FRMD4B: variants seen among roughly 807,000 people sequenced by gnomAD.
FRMD4B encodes the protein FERM domain containing 4B, also known as FERM domain-containing protein 4B.
In FRMD4B, 74 loss-of-function variants were observed where a neutral mutation model predicts 141.5. That is an observed-to-expected ratio of 0.52 (90% CI 0.43 to 0.63). FRMD4B has a LOEUF of 0.63. FRMD4B is among the 30% of genes least tolerant of loss of function. FRMD4B has a pLI of 0.00. For missense variants in FRMD4B, 1,366 were observed against 1,253.4 expected (o/e 1.09, Z -1.36); for synonymous variants, 506 against 467.9 (o/e 1.08, Z -1.05).
At chr3:69,438,297 G>A (rs1215992178) in intron 1 of FRMD4B, among the ~76,000 whole-genome samples, 3 of 151,682 alleles carry the variant, frequency 2.0e-5, no homozygotes, top group African/African-American at 7.3e-5. Context: ...GTAGAGACAG[G>A]TTCTCGCTTT....
intron 4 of FRMD4B, among the ~76,000 whole-genome samples, chr3:69,290,158 A>G (rs1700822750): frequency 6.6e-6 from 1 of 152,208 alleles, no homozygotes; most frequent in Non-Finnish European, 1.5e-5. Context: ...CACCTGACTC[A>G]AAGGCAGCCA....
At chr3:69,217,686 A>C (rs2093155654) in intron 10 of FRMD4B, among the ~76,000 whole-genome samples, 1 of 152,136 alleles carries the variant, frequency 6.6e-6, no homozygotes, top group Non-Finnish European at 1.5e-5. Context: ...TCATTATGTA[A>C]ATTTTCTAAT....
chr3:69,193,511 A>G (rs896465801), intron 17 of FRMD4B, 137 bp downstream of exon 17: 12 of 615,606 alleles, frequency 1.9e-5, no homozygotes, highest in South Asian at 4.1e-5. Flanking sequence ...TCTGTCTCCA[A>G]ATAAAAAAGA....
chr3:69,289,567 G>A (rs564281218), intron 4 of FRMD4B, among the ~76,000 whole-genome samples: 1 of 152,114 alleles, frequency 6.6e-6, no homozygotes, highest in African/African-American at 2.4e-5. Flanking sequence ...AGGCCGAGGC[G>A]GGCAGATCAC....
chr3:69,519,903 C>T, intron 1 of FRMD4B, among the ~76,000 whole-genome samples: 1 of 150,748 alleles, frequency 6.6e-6, no homozygotes, highest in South Asian at 2.1e-4. Flanking sequence ...GTTTTCCATT[C>T]CTGAGTTACT....
intron 1 of FRMD4B, among the ~76,000 whole-genome samples, chr3:69,360,703 CT>C (rs1703447827): frequency 1.3e-5 from 2 of 152,172 alleles, no homozygotes; most frequent in Non-Finnish European, 2.9e-5. Context: ...AAATGTTCCT[CT>C]GTTTACCATG....
chr3:69,477,250 G>A (rs1167867415), intron 1 of FRMD4B, among the ~76,000 whole-genome samples: 313 of 140,656 alleles, frequency 2.2e-3, no homozygotes, highest in African/African-American at 5.2e-3. Context: ...TGTTGAATAG[G>A]AGTGGTGAGA....
At chr3:69,180,574 G>A (rs4855360) in intron 21 of FRMD4B, among the ~76,000 whole-genome samples, 9,314 of 151,870 alleles carry the variant, frequency 0.061, 697 homozygotes, top group East Asian at 0.31. Context: ...CAGCCTAGGC[G>A]ACAGAGTGAG....
At chr3:69,470,294 G>C (rs1211027031) in intron 1 of FRMD4B, among the ~76,000 whole-genome samples, 2 of 152,166 alleles carry the variant, frequency 1.3e-5, no homozygotes, top group African/African-American at 4.8e-5. Context: ...CTCATGATGA[G>C]TTTGGAAGGG....
intron 1 of FRMD4B, among the ~76,000 whole-genome samples, chr3:69,433,353 G>C (rs2106840806): frequency 6.6e-6 from 1 of 152,316 alleles, no homozygotes; most frequent in Middle Eastern, 3.4e-3. Flanking sequence ...CTCCACTTCA[G>C]TCAATAAGCA....
At chr3:69,410,018 C>T (rs1704726683) in intron 2 of FRMD4B, among the ~76,000 whole-genome samples, 1 of 152,108 alleles carries the variant, frequency 6.6e-6, no homozygotes, top group Non-Finnish European at 1.5e-5. Context: ...TCCTCAGAAC[C>T]CCCAGCAATG....
chr3:69,256,862 G>A (rs2093496307), intron 5 of FRMD4B, among the ~76,000 whole-genome samples: 1 of 152,152 alleles, frequency 6.6e-6, no homozygotes, highest in South Asian at 2.1e-4. Flanking sequence ...CAAGCTAGTT[G>A]TTAGAGGTAA....
chr3:69,480,001 G>A lies in FRMD4B; in HGVS notation c.-128-47240C>T, dbSNP rs188309016. On this transcript the variant is annotated intron_variant, in intron 1 of 5. Coordinates refer to the FRMD4B transcript ENST00000459638. ...CCCTTTCTTCCAGTTGATTGCATCT[G>A]CTCCTGAGGCTTCTGCATTCTTCAA... Among the ~76,000 whole-genome samples, 205 of 152,024 alleles carry A rather than the reference G, an allele frequency of 1.3e-3. 3 individuals carry two copies. Among genetic ancestry groups the A allele is most frequent in the Non-Finnish European group, 1.8e-4 (12 of 67,996 alleles).
chr3:69,424,058 A>T (rs909661727), intron 2 of FRMD4B, among the ~76,000 whole-genome samples: 10 of 152,256 alleles, frequency 6.6e-5, no homozygotes, highest in African/African-American at 9.6e-5. Context: ...AACATGAATT[A>T]TAGTACTTTT....
intron 5 of FRMD4B, among the ~76,000 whole-genome samples, chr3:69,274,293 T>G (rs2093608196): frequency 6.6e-6 from 1 of 152,150 alleles, no homozygotes; most frequent in Admixed American, 6.6e-5. Context: ...AGGTAGAAAC[T>G]TCTTATTTCC....
At chr3:69,183,302 C>T (rs1234824894) in intron 19 of FRMD4B, among the ~76,000 whole-genome samples, 1 of 151,992 alleles carries the variant, frequency 6.6e-6, no homozygotes, top group East Asian at 1.9e-4. Flanking sequence ...GATCCCCCCA[C>T]CACCAGCTAC....
chr3:69,491,835 C>T (rs1465035585), intron 1 of FRMD4B, among the ~76,000 whole-genome samples: 3 of 152,192 alleles, frequency 2.0e-5, no homozygotes, highest in Non-Finnish European at 2.9e-5. Context: ...ACCACTGCAA[C>T]CATGTCTCCA....
intron 7 of FRMD4B, among the ~76,000 whole-genome samples, chr3:69,230,607 G>C (rs895251910): frequency 6.6e-6 from 1 of 151,892 alleles, no homozygotes; most frequent in African/African-American, 2.4e-5. Context: ...AATTAGCCAG[G>C]CATAGTGGTG....
chr3:69,522,851 C>T (rs1700872973), intron 1 of FRMD4B, among the ~76,000 whole-genome samples: 1 of 152,130 alleles, frequency 6.6e-6, no homozygotes, highest in Admixed American at 6.6e-5. Flanking sequence ...CACAGTCCAG[C>T]ACATAGCAAG....
Sources: gnomAD v4.1 joint callset for allele counts (sites outside exome capture counted in the v4.1 genomes callset) on GRCh38, gnomAD v4.1.1 for gene constraint, MANE v1.5 for transcripts, NCBI Gene and HGNC (gene_info 2026-07-23, HGNC 2026-07-21) for gene names.